The following ENTREP2 variants were observed in gnomAD, a reference collection of about 807,000 sequenced individuals.
ENTREP2 encodes protein ENTREP2.
At chr15:29,187,863 G>A in the ENTREP2 span, among the ~76,000 whole-genome samples, 1 of 152,214 alleles carries the variant, frequency 6.6e-6, no homozygotes, top group African/African-American at 2.4e-5. Flanking sequence ...CACAGGCTGT[G>A]CGGTATGCTC....
chr15:29,570,701 C>A, the ENTREP2 span: 3 of 1,108,460 alleles, frequency 2.7e-6, no homozygotes, highest in South Asian at 8.7e-5. Context: ...ACGCGGCGCT[C>A]GGGGGCCGCC....
the ENTREP2 span, among the ~76,000 whole-genome samples, chr15:29,433,793 A>C: frequency 1.3e-5 from 2 of 151,976 alleles, no homozygotes; most frequent in East Asian, 1.9e-4. Context: ...AAAAAAAAAA[A>C]AAAAAACAGC....
chr15:29,327,431 A>T, the ENTREP2 span, among the ~76,000 whole-genome samples: 1 of 152,130 alleles, frequency 6.6e-6, no homozygotes, highest in East Asian at 1.9e-4. Flanking sequence ...CGTCTCTACT[A>T]AAAATACAAA....
chr15:29,394,287 C>A, the ENTREP2 span, among the ~76,000 whole-genome samples: 1 of 151,956 alleles, frequency 6.6e-6, no homozygotes, highest in Non-Finnish European at 1.5e-5. Context: ...CAAAATGATT[C>A]AAAAATTTAT....
chr15:29,411,990 T>C, the ENTREP2 span, among the ~76,000 whole-genome samples: 1 of 152,346 alleles, frequency 6.6e-6, no homozygotes, highest in South Asian at 2.1e-4. Flanking sequence ...AAAATGAGTC[T>C]TATACGTGGT....
At chr15:29,417,435 T>A in the ENTREP2 span, among the ~76,000 whole-genome samples, 1 of 152,016 alleles carries the variant, frequency 6.6e-6, no homozygotes, top group Non-Finnish European at 1.5e-5. Flanking sequence ...CAGGTGGGAA[T>A]TGAACAATGA....
the ENTREP2 span, among the ~76,000 whole-genome samples, chr15:29,642,594 T>C: frequency 2.0e-5 from 3 of 148,882 alleles, no homozygotes; most frequent in Non-Finnish European, 4.4e-5. Context: ...ATATATATAG[T>C]GTATATGTAT....
chr15:29,600,929 G>A, the ENTREP2 span, among the ~76,000 whole-genome samples: 24 of 100,788 alleles, frequency 2.4e-4, no homozygotes, highest in Middle Eastern at 6.8e-3. Flanking sequence ...ACAGAGTCTC[G>A]CTCTTTTGCC....
chr15:29,515,195 TAG>T, the ENTREP2 span, among the ~76,000 whole-genome samples: 1 of 152,170 alleles, frequency 6.6e-6, no homozygotes, highest in South Asian at 2.1e-4. Context: ...GACCCCCAGC[TAG>T]ACAGTGCAGA....
the ENTREP2 span, among the ~76,000 whole-genome samples, chr15:29,208,231 G>A: frequency 1.4e-5 from 2 of 143,812 alleles, no homozygotes; most frequent in African/African-American, 2.6e-5. Context: ...ATGCCAGGCA[G>A]AGGAAGCTGG....
chr15:29,171,206 T>C, the ENTREP2 span, among the ~76,000 whole-genome samples: 1 of 152,146 alleles, frequency 6.6e-6, no homozygotes, highest in African/African-American at 2.4e-5. Context: ...CATATGAACT[T>C]TTGGGGGACT....
chr15:29,617,731 G>A, the ENTREP2 span, among the ~76,000 whole-genome samples: 1 of 152,180 alleles, frequency 6.6e-6, no homozygotes, highest in African/African-American at 2.4e-5. Flanking sequence ...GTGGACATTG[G>A]GCAGGAGGCG....
At chr15:29,285,491 G>A in the ENTREP2 span, among the ~76,000 whole-genome samples, 1 of 152,128 alleles carries the variant, frequency 6.6e-6, no homozygotes, top group Non-Finnish European at 1.5e-5. Context: ...CAAATTCCTA[G>A]AAAAACACAA....
chr15:29,302,805 T>C, the ENTREP2 span, among the ~76,000 whole-genome samples: 2 of 152,216 alleles, frequency 1.3e-5, no homozygotes, highest in African/African-American at 4.8e-5. Flanking sequence ...ATTCGCTTTT[T>C]TTATGTTTAT....
At chr15:29,176,005 G>A in the ENTREP2 span, among the ~76,000 whole-genome samples, 1 of 152,236 alleles carries the variant, frequency 6.6e-6, no homozygotes, top group East Asian at 1.9e-4. Context: ...AAAGTAGTTT[G>A]ATTAAAGCCC....
the ENTREP2 span, among the ~76,000 whole-genome samples, chr15:29,444,200 AAGAAAG>A: frequency 6.8e-6 from 1 of 146,268 alleles, no homozygotes; most frequent in Non-Finnish European, 1.5e-5. Context: ...GAAAGAAAGA[AAGAAAG>A]AAAGAAAGAA....
chr15:29,479,915 C>A, the ENTREP2 span, among the ~76,000 whole-genome samples: 1 of 152,058 alleles, frequency 6.6e-6, no homozygotes, highest in Non-Finnish European at 1.5e-5. Context: ...GAGAGGAGAA[C>A]AGAGCCCAGG....
the ENTREP2 span, among the ~76,000 whole-genome samples, chr15:29,125,654 CA>C: frequency 6.6e-6 from 1 of 152,208 alleles, no homozygotes; most frequent in Non-Finnish European, 1.5e-5. Context: ...TGCCTCCTCT[CA>C]AAAGACAGTG....
the ENTREP2 span, among the ~76,000 whole-genome samples, chr15:29,396,495 A>G: frequency 7.2e-5 from 11 of 152,246 alleles, 1 homozygote; most frequent in African/African-American, 2.2e-4. Context: ...GGAGTTTTCT[A>G]TATGTTCTGG....
Sources: allele counts gnomAD v4.1 joint callset (sites outside exome capture counted in the v4.1 genomes callset), GRCh38; gene constraint gnomAD v4.1.1; transcripts MANE v1.5; gene names NCBI Gene and HGNC (gene_info 2026-07-23, HGNC 2026-07-21).